Variants in TMEM117 observed in about 807,000 individuals in gnomAD.
The protein encoded by TMEM117 is transmembrane protein 117.
Under a neutral mutation model 52.4 loss-of-function variants are expected in TMEM117, and 27 were observed. That is an observed-to-expected ratio of 0.51 (90% CI 0.38 to 0.71). The LOEUF is 0.71. Among genes scored for constraint, TMEM117 ranks in the 30% least tolerant of loss-of-function variants. The pLI is 0.00. For synonymous variants in TMEM117, 215 were observed against 206.3 expected (o/e 1.04, Z -0.36); for missense variants, 556 against 630.5 (o/e 0.88, Z 1.26).
intron 5 of TMEM117, among the ~76,000 whole-genome samples, chr12:44,266,044 A>G (rs1400796818): frequency 6.6e-6 from 1 of 152,198 alleles, no homozygotes; most frequent in African/African-American, 2.4e-5. Context: ...ATTAGCAATA[A>G]TGCTGCTATG....
At chr12:43,892,720 G>A (rs1199719764) in intron 2 of TMEM117, among the ~76,000 whole-genome samples, 1 of 152,058 alleles carries the variant, frequency 6.6e-6, no homozygotes, top group African/African-American at 2.4e-5. Context: ...TTAGATACTG[G>A]GGCTACAGTG....
chr12:44,358,388 C>A (rs2138801194), intron 6 of TMEM117, among the ~76,000 whole-genome samples: 1 of 152,104 alleles, frequency 6.6e-6, no homozygotes, highest in African/African-American at 2.4e-5. Flanking sequence ...AGCAAGTATT[C>A]TTTAATTAGA....
intron 5 of TMEM117, among the ~76,000 whole-genome samples, chr12:44,224,890 C>G (rs1949840740): frequency 6.6e-6 from 1 of 152,102 alleles, no homozygotes; most frequent in African/African-American, 2.4e-5. Flanking sequence ...GCTCTCTTCC[C>G]AACCTCCCCA....
At chr12:44,385,883 C>A (rs1270795088) in intron 7 of TMEM117, among the ~76,000 whole-genome samples, 1 of 152,052 alleles carries the variant, frequency 6.6e-6, no homozygotes, top group Non-Finnish European at 1.5e-5. Flanking sequence ...AATCTCCATT[C>A]TTTTCCTTTT....
At chr12:44,058,359 G>A (rs954478941) in intron 3 of TMEM117, among the ~76,000 whole-genome samples, 2 of 152,100 alleles carry the variant, frequency 1.3e-5, no homozygotes, top group East Asian at 3.9e-4. Flanking sequence ...ACAATAGAAA[G>A]CTATTTCACC....
chr12:44,042,143 A>G (rs149012073), intron 3 of TMEM117, among the ~76,000 whole-genome samples: 70 of 152,316 alleles, frequency 4.6e-4, no homozygotes, highest in African/African-American at 1.1e-3. Context: ...AACTTCAGCA[A>G]AGTTTCAAGA....
At chr12:44,106,825 T>C (rs1450431943) in intron 3 of TMEM117, among the ~76,000 whole-genome samples, 2 of 152,052 alleles carry the variant, frequency 1.3e-5, no homozygotes, top group Non-Finnish European at 2.9e-5. Flanking sequence ...GAATAGTACA[T>C]TGAATATTTC....
chr12:44,399,068 C>A, the TMEM117 span, among the ~76,000 whole-genome samples: 1 of 152,124 alleles, frequency 6.6e-6, no homozygotes, highest in African/African-American at 2.4e-5. Flanking sequence ...ATACATACAA[C>A]TATAACTTGT....
In TMEM117 at chr12:44,082,471, A is replaced by G. The variant is rs12425355; in HGVS notation, c.411-61054A>G. 6.1e-3 allele frequency among the ~76,000 whole-genome samples: 933 copies of G among 152,064 alleles called. 6 individuals are homozygous for G. Among genetic ancestry groups the G allele is most frequent in the Non-Finnish European group, 0.011 (721 of 67,852 alleles). On this transcript the variant is annotated intron_variant, in intron 3 of 7. Coordinates refer to ENST00000266534, the MANE Select transcript of TMEM117 (RefSeq NM_032256.3). ...GATATAGATATTACTAAATATTTTT[A>G]TCATAAACAAAACAGTAAATATCCT...
intron 5 of TMEM117, among the ~76,000 whole-genome samples, chr12:44,272,478 A>T (rs553193563): frequency 2.0e-5 from 3 of 152,336 alleles, no homozygotes; most frequent in African/African-American, 7.2e-5. Flanking sequence ...TACTCATCTG[A>T]CAAAGGGCTA....
intron 3 of TMEM117, among the ~76,000 whole-genome samples, chr12:44,069,970 A>G (rs768665470): frequency 6.6e-6 from 1 of 152,036 alleles, no homozygotes; most frequent in Non-Finnish European, 1.5e-5. Flanking sequence ...GCTCACTGCA[A>G]CCTCTGCCTC....
At chr12:44,096,159 AC>A (rs1947757557) in intron 3 of TMEM117, among the ~76,000 whole-genome samples, 1 of 152,222 alleles carries the variant, frequency 6.6e-6, no homozygotes, top group Non-Finnish European at 1.5e-5. Flanking sequence ...CTTACAAGGG[AC>A]ATGAAGGACT....
At chr12:43,854,384 G>A (rs1408915346) in intron 2 of TMEM117, among the ~76,000 whole-genome samples, 1 of 151,894 alleles carries the variant, frequency 6.6e-6, no homozygotes, top group African/African-American at 2.4e-5. Context: ...GTAGGCAAGA[G>A]TGAGAGTGAA....
At chr12:44,075,994 G>T (rs1947375813) in intron 3 of TMEM117, among the ~76,000 whole-genome samples, 1 of 152,318 alleles carries the variant, frequency 6.6e-6, no homozygotes, top group Non-Finnish European at 1.5e-5. Context: ...TGGGGCCAAA[G>T]TTCCCTATTA....
intron 2 of TMEM117, among the ~76,000 whole-genome samples, chr12:43,855,113 A>G (rs1357744211): frequency 6.6e-6 from 1 of 152,252 alleles, no homozygotes; most frequent in African/African-American, 2.4e-5. Flanking sequence ...AGACAGACTC[A>G]AGTAAGTTCA....
chr12:44,193,327 G>T (rs1166096738), intron 4 of TMEM117, among the ~76,000 whole-genome samples: 3 of 152,144 alleles, frequency 2.0e-5, no homozygotes, highest in African/African-American at 7.2e-5. Flanking sequence ...AAAACAGACG[G>T]ATAAGTAAAA....
chr12:44,246,889 G>T (rs1446560825), intron 5 of TMEM117, among the ~76,000 whole-genome samples: 3 of 152,126 alleles, frequency 2.0e-5, no homozygotes, highest in Non-Finnish European at 4.4e-5. Context: ...ATGCTTGATG[G>T]TCTAAAAACA....
chr12:43,857,844 A>T (rs561267922), intron 2 of TMEM117, among the ~76,000 whole-genome samples: 1 of 152,330 alleles, frequency 6.6e-6, no homozygotes, highest in East Asian at 1.9e-4. Context: ...ACTAACAAGG[A>T]TGTTAACAAT....
chr12:44,396,723 G>A, the TMEM117 span, among the ~76,000 whole-genome samples: 6 of 151,698 alleles, frequency 4.0e-5, no homozygotes, highest in East Asian at 1.9e-4. Flanking sequence ...GTGTGGTGGC[G>A]GGCACCTGTA....
Sources: gnomAD v4.1 joint callset for allele counts (sites outside exome capture counted in the v4.1 genomes callset) on GRCh38, gnomAD v4.1.1 for gene constraint, MANE v1.5 for transcripts, NCBI Gene and HGNC (gene_info 2026-07-23, HGNC 2026-07-21) for gene names.